Variants in FYB1 observed in about 807,000 individuals in gnomAD.
FYB1 encodes FYN-binding protein 1.
A neutral mutation model predicts 94.1 loss-of-function variants in FYB1; 41 were observed. The ratio of observed to expected loss-of-function variants is 0.44; its 90% CI spans 0.34 to 0.57. The LOEUF (loss-of-function observed/expected upper bound fraction) is 0.57. FYB1 is among the 20% of genes least tolerant of loss of function. FYB1 has a pLI of 0.02. For missense variants in FYB1, 1,050 were observed against 976.8 expected (o/e 1.07, Z -1.00); for synonymous variants, 367 against 353.2 (o/e 1.04, Z -0.44).
chr5:39,225,466 T>C (rs1325928476), intron 1 of FYB1, among the ~76,000 whole-genome samples: 1 of 152,232 alleles, frequency 6.6e-6, no homozygotes, highest in Non-Finnish European at 1.5e-5. Context: ...CAGTCAAATA[T>C]ATTTTCTTTG....
At chr5:39,258,434 T>C (rs1752062655) in intron 1 of FYB1, among the ~76,000 whole-genome samples, 1 of 152,078 alleles carries the variant, frequency 6.6e-6, no homozygotes, top group Non-Finnish European at 1.5e-5. Context: ...ACCCCATCTC[T>C]AATAAAAATA....
chr5:39,124,599 G>A (rs537820928), intron 12 of FYB1, among the ~76,000 whole-genome samples: 1 of 152,138 alleles, frequency 6.6e-6, no homozygotes, highest in South Asian at 2.1e-4. Context: ...ATAATATCAA[G>A]CCAGAGTAAA....
intron 10 of FYB1, 91 bp downstream of exon 10, chr5:39,130,499 T>C (rs1030287757): frequency 8.3e-6 from 8 of 964,102 alleles, no homozygotes; most frequent in Non-Finnish European, 1.3e-5. Flanking sequence ...ACACATTCTA[T>C]GCATGTAACA....
intron 1 of FYB1, among the ~76,000 whole-genome samples, chr5:39,233,017 G>T (rs559190731): frequency 6.6e-6 from 1 of 151,908 alleles, no homozygotes. Context: ...GAATAATGCC[G>T]CAAGAAACAT....
At chr5:39,180,369 C>T (rs369516562) in intron 2 of FYB1, among the ~76,000 whole-genome samples, 25 of 152,298 alleles carry the variant, frequency 1.6e-4, no homozygotes, top group South Asian at 6.2e-4. Context: ...CCTTCACCAG[C>T]GCTTAATTCC....
chr5:39,185,042 T>C (rs1746621593), intron 2 of FYB1, among the ~76,000 whole-genome samples: 1 of 152,218 alleles, frequency 6.6e-6, no homozygotes, highest in Admixed American at 6.5e-5. Context: ...TTTTAGCTTA[T>C]ATGTTATTAG....
chr5:39,220,400 C>G (rs983527804), upstream of FYB1, among the ~76,000 whole-genome samples: 9 of 127,216 alleles, frequency 7.1e-5, no homozygotes, highest in African/African-American at 2.4e-4. Flanking sequence ...GGTAACAGAG[C>G]AAGATCCTGT....
intron 1 of FYB1, among the ~76,000 whole-genome samples, chr5:39,232,700 A>T (rs1750797702): frequency 6.6e-6 from 1 of 150,698 alleles, no homozygotes; most frequent in African/African-American, 2.4e-5. Context: ...TATATCTCCC[A>T]ATGCTAACCC....
intron 2 of FYB1, among the ~76,000 whole-genome samples, chr5:39,173,452 C>G (rs1377580051): frequency 2.6e-5 from 4 of 152,060 alleles, no homozygotes; most frequent in Non-Finnish European, 5.9e-5. Context: ...TCTCACTTGT[C>G]TGTTTTTGTT....
intron 1 of FYB1, among the ~76,000 whole-genome samples, chr5:39,230,841 GTA>G (rs1491510459): frequency 1.1e-5 from 1 of 88,732 alleles, no homozygotes; most frequent in South Asian, 4.5e-4. Context: ...CCCTGTCTCA[GTA>G]TACACACACA....
In FYB1 at chr5:39,201,855, G is replaced by A. The variant is rs201436179; in HGVS notation, c.1106C>T (p.Thr369Met). The A allele has an allele frequency of 2.9e-4, 460 of 1,613,142 alleles. No individual in the cohort carries two copies. The highest frequency in any genetic ancestry group is 3.6e-4 in the Non-Finnish European group (419 of 1,179,328). Reference sequence around the variant, plus strand: ...TCCAGAAGAGGTTTTGTGGAATTTCGTCAGGTCAACATTTGGTGGTCTGTT... The same window carrying A: ...TCCAGAAGAGGTTTTGTGGAATTTCATCAGGTCAACATTTGGTGGTCTGTT... ...KPNRPPNVDL[T>M]KFHKTSSGNS... is the part of the protein sequence containing the mutation. Residue 369 changes from threonine (T) to methionine (M), a missense_variant, in exon 2 of 19, where the codon ACG becomes ATG. Transcript: ENST00000512982.
At chr5:39,184,416 T>C (rs1376137489) in intron 2 of FYB1, among the ~76,000 whole-genome samples, 1 of 152,218 alleles carries the variant, frequency 6.6e-6, no homozygotes, top group Non-Finnish European at 1.5e-5. Context: ...TTCAAATTAC[T>C]ACAATGTGCA....
intron 2 of FYB1, among the ~76,000 whole-genome samples, chr5:39,160,345 A>G (rs972540569): frequency 5.9e-5 from 9 of 152,204 alleles, no homozygotes; most frequent in Non-Finnish European, 1.2e-4. Context: ...TCAATTGCAA[A>G]GAAAACAATA....
At position 39,202,802 on chromosome 5, in the gene FYB1, A is replaced by C. The variant is rs948244346; in HGVS notation, c.159T>G (p.Asn53Lys). The C allele has an allele frequency of 1.2e-6, 2 of 1,613,752 alleles. No homozygotes were observed. Among genetic ancestry groups the C allele is most frequent in the Non-Finnish European group, 1.7e-6 (2 of 1,179,870 alleles). Residue 53 changes from asparagine (N) to lysine (K), a missense_variant, in exon 2 of 19, where the codon AAT (asparagine) becomes AAG (lysine). Physicochemically the swap from Asn to Lys is moderately conservative, Grantham distance 94 (BLOSUM62 0). Transcript: ENST00000512982. ...GNASPPAGPS[N>K]VPKFGSPKPP... is the part of the protein sequence containing the mutation. ...GCTTTGGGGACCCAAACTTAGGTAC[A>C]TTGCTGGGTCCTGCAGGAGGGCTGG...
chr5:39,120,157 A>T (rs994237897), intron 14 of FYB1, among the ~76,000 whole-genome samples: 1 of 152,110 alleles, frequency 6.6e-6, no homozygotes. Context: ...AAGATTTTAG[A>T]TATTATAAGA....
At chr5:39,190,239 G>T (rs1254577479) in intron 2 of FYB1, among the ~76,000 whole-genome samples, 1 of 152,190 alleles carries the variant, frequency 6.6e-6, no homozygotes, top group East Asian at 1.9e-4. Flanking sequence ...GAAAAGAAGG[G>T]AGATTTGCAA....
chr5:39,110,357 T>A lies in FYB1; in HGVS notation c.2434A>T (p.Asn812Tyr), dbSNP rs1047993806. The A allele has an allele frequency of 6.3e-7, 1 of 1,593,622 alleles. No homozygotes were observed. Among genetic ancestry groups the A allele is most frequent in the South Asian group, 1.1e-5 (1 of 87,638 alleles). ...GYVLRSYLAD[N>Y]DGEIYDDIAD... is the part of the protein sequence containing the mutation. The stretch of plus-strand genomic sequence containing the variant: ...AGTAGTAGAAGAAAATGGGCTTACT[T>A]GTCCGCTAGGTAACTCCGAAGGACA... Residue 812 changes from asparagine to tyrosine, a missense_variant and splice_region_variant, in exon 17 of 19, where the codon AAT becomes TAT. By Grantham distance (143) the Asn-to-Tyr change is moderately radical. Transcript: ENST00000512982.
intron 16 of FYB1, among the ~76,000 whole-genome samples, chr5:39,112,734 T>G (rs1739182768): frequency 6.6e-6 from 1 of 152,028 alleles, no homozygotes; most frequent in Non-Finnish European, 1.5e-5. Flanking sequence ...TACTTCAACT[T>G]TACAAATTAC....
chr5:39,137,448 G>T, intron 7 of FYB1, 152 bp downstream of exon 7: 1 of 817,484 alleles, frequency 1.2e-6, no homozygotes. Context: ...TGGTGTATTG[G>T]ACAAAAAAGT....
Sources: allele counts gnomAD v4.1 joint callset (sites outside exome capture counted in the v4.1 genomes callset), GRCh38; gene constraint gnomAD v4.1.1; transcripts MANE v1.5; gene names NCBI Gene and HGNC (gene_info 2026-07-23, HGNC 2026-07-21).